Variants in CDC42BPA observed in about 807,000 individuals in gnomAD.
The protein encoded by CDC42BPA is serine/threonine-protein kinase MRCK alpha.
Under a neutral mutation model 223.5 loss-of-function variants are expected in CDC42BPA, and 80 were observed. The ratio of observed to expected loss-of-function variants is 0.36; its 90% confidence interval spans 0.30 to 0.43. CDC42BPA has a LOEUF of 0.43. Ranked by LOEUF, CDC42BPA falls within the 20% of genes least tolerant of loss-of-function variation. The pLI is 1.00. For missense variants in CDC42BPA, 1,743 were observed against 2,099.9 expected, an observed-to-expected ratio of 0.83 and a Z score of 3.32; for synonymous variants, 694 against 718.6, an observed-to-expected ratio of 0.97 and a Z score of 0.55.
At chr1:227,071,008 T>C (rs1413279141) in intron 20 of CDC42BPA, among the ~76,000 whole-genome samples, 2 of 151,958 alleles carry the variant, frequency 1.3e-5, no homozygotes, top group South Asian at 4.1e-4. Flanking sequence ...ATGTATCTTC[T>C]TTCAAATTTC....
At chr1:227,237,968 G>A (rs984513343) in intron 2 of CDC42BPA, among the ~76,000 whole-genome samples, 9 of 150,634 alleles carry the variant, frequency 6.0e-5, no homozygotes, top group African/African-American at 2.2e-4. Flanking sequence ...GAACCCAGGG[G>A]TGGAGGTTGC....
intron 5 of CDC42BPA, among the ~76,000 whole-genome samples, chr1:227,177,726 G>T (rs1667213036): frequency 6.6e-6 from 1 of 152,088 alleles, no homozygotes; most frequent in Non-Finnish European, 1.5e-5. Context: ...TGGGAAGTTT[G>T]GAGCTATTAT....
chr1:227,018,876 C>CA (rs1666824389), intron 32 of CDC42BPA, among the ~76,000 whole-genome samples: 1 of 152,160 alleles, frequency 6.6e-6, no homozygotes, highest in Non-Finnish European at 1.5e-5. Flanking sequence ...AAAATGCTAA[C>CA]AATCATCTTC....
chr1:227,144,333 T>G (rs896514936), intron 8 of CDC42BPA, among the ~76,000 whole-genome samples: 1 of 151,860 alleles, frequency 6.6e-6, no homozygotes, highest in African/African-American at 2.4e-5. Context: ...TCCCAGCACT[T>G]TGGGAGGCTG....
chr1:227,309,218 A>T (rs540485171), intron 1 of CDC42BPA, among the ~76,000 whole-genome samples: 4,546 of 151,750 alleles, frequency 0.03, 208 homozygotes, highest in African/African-American at 0.1. Context: ...AAAAAAAAAA[A>T]AAAATAAGCA....
intron 21 of CDC42BPA, among the ~76,000 whole-genome samples, chr1:227,066,488 T>A: frequency 6.6e-6 from 1 of 152,220 alleles, no homozygotes; most frequent in Non-Finnish European, 1.5e-5. Flanking sequence ...TCTTGGATGC[T>A]GAACTCAAGT....
At chr1:227,247,980 T>C (rs1681299569) in intron 2 of CDC42BPA, among the ~76,000 whole-genome samples, 1 of 152,074 alleles carries the variant, frequency 6.6e-6, no homozygotes, top group Admixed American at 6.6e-5. Context: ...TCAGAGTCTC[T>C]TAATAGCAGA....
intron 2 of CDC42BPA, among the ~76,000 whole-genome samples, chr1:227,251,159 A>G (rs1405905963): frequency 6.6e-6 from 1 of 152,246 alleles, no homozygotes; most frequent in African/African-American, 2.4e-5. Context: ...ATATGTGGGT[A>G]AACCTAAATA....
At chr1:227,032,711 T>C (rs1410346072) in intron 27 of CDC42BPA, among the ~76,000 whole-genome samples, 2 of 152,140 alleles carry the variant, frequency 1.3e-5, no homozygotes, top group Non-Finnish European at 2.9e-5. Context: ...CACTGGGAGC[T>C]CAGCCAGCCT....
At chr1:227,090,102 TA>T (rs1301501297) in intron 16 of CDC42BPA, among the ~76,000 whole-genome samples, 1 of 152,176 alleles carries the variant, frequency 6.6e-6, no homozygotes, top group Admixed American at 6.5e-5. Context: ...ATTCATGGCT[TA>T]AAAAATCAAT....
At position 227,035,826 on chromosome 1, in the gene CDC42BPA, G is replaced by A. The variant is rs1371356974; in HGVS notation, c.3200-219C>T. Among the ~76,000 whole-genome samples, 3 of 152,122 alleles carry A rather than the reference G, an allele frequency of 2.0e-5. No homozygotes were observed. In the South Asian group the frequency reaches 6.2e-4, roughly 32 times the overall value. On this transcript the variant is annotated intron_variant, in intron 24 of 36. Transcript: ENST00000366766. ...TTAAAAAATTACTTGTATTACTGCT[G>A]TTCTGTATTGACATTAGTGATCAAA...
intron 24 of CDC42BPA, among the ~76,000 whole-genome samples, chr1:227,038,786 C>T (rs537177115): frequency 4.5e-4 from 68 of 152,288 alleles, no homozygotes; most frequent in African/African-American, 1.4e-3. Flanking sequence ...ATCCTGAAGA[C>T]AAAGCACAAT....
intron 35 of CDC42BPA, chr1:227,004,406 C>T (rs60958179): frequency 0.02 from 3,083 of 157,864 alleles, 87 homozygotes; most frequent in African/African-American, 0.069. Context: ...CTTGGCAGCC[C>T]GCAGGATTGT....
At chr1:227,163,114 GTGTA>G (rs1249156396) in intron 5 of CDC42BPA, among the ~76,000 whole-genome samples, 1 of 29,810 alleles carries the variant, frequency 3.4e-5, no homozygotes, top group African/African-American at 1.2e-4. Flanking sequence ...ACATATATGT[GTGTA>G]TGTTTCCAAA....
chr1:227,008,295 G>C (rs1054800779), intron 34 of CDC42BPA, among the ~76,000 whole-genome samples: 1 of 152,104 alleles, frequency 6.6e-6, no homozygotes, highest in Non-Finnish European at 1.5e-5. Flanking sequence ...TGAAGTTACA[G>C]GCCTGTGTGT....
chr1:227,112,416 C>A lies in CDC42BPA; in HGVS notation c.1897G>T (p.Val633Phe). ...RTERAKKELE[V>F]HTEALAAEAS... is the part of the protein sequence containing the mutation. Reference sequence around the variant, plus strand: ...TCAGCAGCTAGAGCTTCTGTATGAACTTCCAGCTTTAAAACAGAATGAAAA... The same window carrying A: ...TCAGCAGCTAGAGCTTCTGTATGAAATTCCAGCTTTAAAACAGAATGAAAA... Residue 633 changes from valine (V) to phenylalanine (F), a missense_variant, in exon 14 of 37, where the codon GTT becomes TTT. Coordinates refer to ENST00000366766, the MANE Select transcript of CDC42BPA (RefSeq NM_001394014.1). The A allele has an allele frequency of 6.3e-7, 1 of 1,592,374 alleles. No homozygotes were observed. Among genetic ancestry groups the A allele is most frequent in the South Asian group, 1.1e-5 (1 of 87,574 alleles).
At chr1:227,277,674 A>G (rs1156977365) in intron 1 of CDC42BPA, among the ~76,000 whole-genome samples, 1 of 152,240 alleles carries the variant, frequency 6.6e-6, no homozygotes, top group African/African-American at 2.4e-5. Flanking sequence ...CAAACAATTG[A>G]TAAAATTCTG....
chr1:227,052,620 T>A (rs751775940), intron 21 of CDC42BPA, among the ~76,000 whole-genome samples: 1 of 152,176 alleles, frequency 6.6e-6, no homozygotes, highest in Non-Finnish European at 1.5e-5. Context: ...CTAGTCTGTA[T>A]GGCAAGTTTC....
At chr1:227,027,419 C>T (rs996664429) in intron 30 of CDC42BPA, among the ~76,000 whole-genome samples, 6 of 152,136 alleles carry the variant, frequency 3.9e-5, no homozygotes, top group African/African-American at 1.4e-4. Flanking sequence ...AGAGGTTTTA[C>T]TCCTCCTGCC....
Sources: gnomAD v4.1 joint callset for allele counts (sites outside exome capture counted in the v4.1 genomes callset) on GRCh38, gnomAD v4.1.1 for gene constraint, MANE v1.5 for transcripts, NCBI Gene and HGNC (gene_info 2026-07-23, HGNC 2026-07-21) for gene names.